Variants in ZNF143 observed in about 807,000 individuals in gnomAD.
ZNF143 encodes zinc finger protein 143.
Under a neutral mutation model 74.1 loss-of-function variants are expected in ZNF143, and 49 were observed. The observed-to-expected ratio is 0.66, with a 90% confidence interval of 0.53 to 0.84. ZNF143 has a LOEUF of 0.84. ZNF143 is among the 40% of genes least tolerant of loss of function. The probability of loss-of-function intolerance (pLI) is 0.00; values close to 1 mark genes in which losing one functional copy is unlikely to be tolerated. For missense variants in ZNF143, 637 were observed against 793.4 expected (o/e 0.80, Z 2.37); for synonymous variants, 304 against 282.8 (o/e 1.07, Z -0.75).
At chr11:9,495,226 C>A (rs559544308) in intron 8 of ZNF143, among the ~76,000 whole-genome samples, 1 of 152,206 alleles carries the variant, frequency 6.6e-6, no homozygotes, top group East Asian at 1.9e-4. Flanking sequence ...GGTGGATCAC[C>A]TGAGGTCAGG....
rs4412786 is a variant in ZNF143, at chr11:9,490,377, C to A, written c.646-4269C>A. Among the ~76,000 whole-genome samples the A allele has an allele frequency of 7.4e-3, 1,036 of 140,648 alleles. 13 individuals carry two copies. Among genetic ancestry groups the A allele is most frequent in the African/African-American group, 0.026 (981 of 37,936 alleles). The allele number at this position is 140,648 out of a possible 152,430, so 92.3% of individuals were successfully genotyped here. On this transcript the variant is annotated intron_variant, in intron 7 of 15. Transcript: ENST00000396602. Reference sequence around the variant, plus strand: ...CAATCTTGGCTCACTGCAGCCTCAACCTCCTGGGTTCAAGCAGTCCTCCTG... The same window carrying A: ...CAATCTTGGCTCACTGCAGCCTCAAACTCCTGGGTTCAAGCAGTCCTCCTG...
chr11:9,503,808 C>T (rs567081233), intron 11 of ZNF143, among the ~76,000 whole-genome samples: 2 of 152,110 alleles, frequency 1.3e-5, no homozygotes, highest in African/African-American at 4.8e-5. Flanking sequence ...TGTGCCACCA[C>T]ACCCAGCTAA....
chr11:9,499,805 T>G (rs1266630446), intron 10 of ZNF143, among the ~76,000 whole-genome samples: 1 of 152,242 alleles, frequency 6.6e-6, no homozygotes, highest in Non-Finnish European at 1.5e-5. Context: ...AGAAGTTGTT[T>G]GCCTAATTTG....
chr11:9,524,203 C>G (rs916234819), intron 14 of ZNF143, among the ~76,000 whole-genome samples: 1 of 152,174 alleles, frequency 6.6e-6, no homozygotes, highest in Non-Finnish European at 1.5e-5. Context: ...CCAGGCTGCT[C>G]AAACTGGGTA....
Position 9,508,264 on chromosome 11 carries a change from TTTA to T in ZNF143, c.1148-345_1148-343del, listed in dbSNP as rs199518622. ...AGCTGCATAAGTTACGATAATAGCA[TTTA>T]TTATTATTAATAGACTATAACAGTA... On this transcript the variant is annotated intron_variant, in intron 11 of 15. Coordinates refer to ENST00000396602, the MANE Select transcript of ZNF143 (RefSeq NM_003442.6). Among the ~76,000 whole-genome samples the T allele has an allele frequency of 4.1e-4, 62 of 152,358 alleles. No individual in the cohort carries two copies. In the East Asian group the frequency reaches 8.7e-3, roughly 21 times the overall value.
rs758226458 is a variant in ZNF143 at position 9,508,695 on chromosome 11, T to A, written c.1224T>A (p.His408Gln). 4 of 1,614,138 alleles carry A rather than the reference T, an allele frequency of 2.5e-6. No individual in the cohort carries two copies. In the South Asian group the frequency reaches 4.4e-5, roughly 18 times the overall value. ...AATATTCCAGTTTGTACAAACATCA[T>A]GTTGTCCACACTCATTCCAAACCTT... ...FTEYSSLYKHHVVHTHSKPYN... is the reference protein window; with the variant it reads ...FTEYSSLYKHQVVHTHSKPYN... Residue 408 changes from histidine (H) to glutamine (Q), a missense_variant, in exon 12 of 16, where the codon CAT becomes CAA. His to Gln is a conservative substitution (Grantham distance 24). This residue lies in a region of ZNF143 where 344 missense variants were observed against 485.6 expected (regional missense o/e 0.71). Coordinates refer to ENST00000396602, the MANE Select transcript of ZNF143 (RefSeq NM_003442.6).
intron 1 of ZNF143, among the ~76,000 whole-genome samples, chr11:9,466,712 GT>G (rs1353056487): frequency 4.0e-5 from 6 of 151,732 alleles, no homozygotes; most frequent in Admixed American, 3.9e-4. Flanking sequence ...AAGTGCTGCA[GT>G]TACAGGTGTG....
intron 5 of ZNF143, among the ~76,000 whole-genome samples, chr11:9,476,243 T>G (rs1428875506): frequency 1.3e-5 from 2 of 152,010 alleles, no homozygotes; most frequent in African/African-American, 4.8e-5. Context: ...GGTGTCCATA[T>G]CATACGTAGG....
chr11:9,523,458 G>A (rs539179340), intron 14 of ZNF143, among the ~76,000 whole-genome samples: 4 of 152,234 alleles, frequency 2.6e-5, no homozygotes, highest in Non-Finnish European at 5.9e-5. Flanking sequence ...TTGAGGCCGG[G>A]CGCGGTGGCT....
intron 4 of ZNF143, among the ~76,000 whole-genome samples, 163 bp from the exon 5 acceptor site, chr11:9,474,387 C>G (rs2084741120): frequency 6.6e-6 from 1 of 152,174 alleles, no homozygotes; most frequent in Admixed American, 6.5e-5. Flanking sequence ...CCTTTAAACA[C>G]TGACGCAGGG....
chr11:9,478,617 C>T, intron 6 of ZNF143, 31 bp downstream of exon 6: 1 of 1,574,408 alleles, frequency 6.4e-7, no homozygotes, highest in Non-Finnish European at 8.7e-7. Context: ...AAGAATGTTG[C>T]AGATATAGCT....
chr11:9,473,652 G>A, intron 3 of ZNF143: 1 of 656,426 alleles, frequency 1.5e-6, no homozygotes, highest in Non-Finnish European at 2.4e-6. Context: ...AAGTGACTCT[G>A]AAAGGTATAA....
intron 3 of ZNF143, 97 bp downstream of exon 3, chr11:9,472,866 A>G (rs559345889): frequency 5.2e-6 from 4 of 769,522 alleles, no homozygotes; most frequent in East Asian, 3.0e-5. Flanking sequence ...TATGTCTCCT[A>G]AAGATGCTGT....
At chr11:9,517,559 T>A (rs1181371286) in intron 14 of ZNF143, among the ~76,000 whole-genome samples, 1 of 152,212 alleles carries the variant, frequency 6.6e-6, no homozygotes, top group Non-Finnish European at 1.5e-5. Context: ...TGATAGTGCC[T>A]CTTCTCCTTC....
intron 14 of ZNF143, among the ~76,000 whole-genome samples, chr11:9,524,630 A>G (rs931781563): frequency 6.6e-6 from 1 of 152,144 alleles, no homozygotes; most frequent in Non-Finnish European, 1.5e-5. Flanking sequence ...TGTTATCTGC[A>G]TTTTTTTAAA....
At chr11:9,494,456 C>T (rs916594841) in intron 7 of ZNF143, among the ~76,000 whole-genome samples, 190 bp from the exon 8 acceptor site, 4 of 151,956 alleles carry the variant, frequency 2.6e-5, no homozygotes, top group Non-Finnish European at 5.9e-5. Context: ...CACAGATGCA[C>T]CACTACACCT....
At chr11:9,505,037 G>T (rs1368753128) in intron 11 of ZNF143, among the ~76,000 whole-genome samples, 1 of 108,720 alleles carries the variant, frequency 9.2e-6, no homozygotes, top group African/African-American at 2.9e-5. Flanking sequence ...GCAATGGCAC[G>T]ATCTAGGCTC....
At chr11:9,479,378 T>C in intron 6 of ZNF143, 94 bp from the exon 7 acceptor site, 1 of 963,692 alleles carries the variant, frequency 1.0e-6, no homozygotes, top group Non-Finnish European at 1.5e-6. Context: ...TCTTTTTCTT[T>C]TTTTTTGCAA....
Position 9,471,418 on chromosome 11 carries a change from C to A in ZNF143, c.110C>A (p.Ala37Glu). Residue 37 changes from alanine to glutamate, a missense_variant and splice_region_variant, in exon 2 of 16, where the codon GCA becomes GAA. Physicochemically the swap from Ala to Glu is moderately radical, Grantham distance 107. This residue lies in a region of ZNF143 where 293 missense variants were observed against 307.8 expected (regional missense o/e 0.95). Transcript: ENST00000396602. ...TLCLTEAVTV[A>E]DGDNLENMEG... ...TGCTTGACAGAGGCAGTCACCGTGG[C>A]AGGTGAGCAGTTGTGTTTGAAGGGA... 1 of 1,592,080 alleles carries A rather than the reference C, an allele frequency of 6.3e-7. No individual in the cohort carries two copies. The highest frequency in any genetic ancestry group is 8.5e-7 in the Non-Finnish European group (1 of 1,170,530).
Sources: gnomAD v4.1 joint callset for allele counts (sites outside exome capture counted in the v4.1 genomes callset) on GRCh38, gnomAD v4.1.1 for gene constraint, gnomAD v4.1.1 regional missense constraint, MANE v1.5 for transcripts, NCBI Gene and HGNC (gene_info 2026-07-23, HGNC 2026-07-21) for gene names.